The following TPPP3 variants were observed in gnomAD, a reference collection of about 807,000 sequenced individuals.
TPPP3 encodes the protein tubulin polymerization-promoting protein family member 3.
TPPP3 carries 7 observed loss-of-function variants against 13.1 expected under a neutral mutation model. That is an observed-to-expected ratio of 0.54 (90% CI 0.30 to 1.01). The LOEUF (loss-of-function observed/expected upper bound fraction) is 1.01. Among genes scored for constraint, TPPP3 ranks in the 50% least tolerant of loss-of-function variants. The pLI, the probability that TPPP3 is intolerant of heterozygous loss-of-function variation, is 0.06. For synonymous variants in TPPP3, 87 were observed against 93.7 expected (o/e 0.93, Z 0.41); for missense variants, 185 against 235.0 (o/e 0.79, Z 1.39).
At position 67,390,417 on chromosome 16, in the gene TPPP3, ACC is replaced by A; in HGVS notation, c.343-57_343-56del. The A allele has an allele frequency of 6.2e-7, 1 of 1,605,016 alleles. No homozygotes were observed. Among genetic ancestry groups the A allele is most frequent in the Non-Finnish European group, 8.5e-7 (1 of 1,173,934 alleles). Reference sequence around the variant, plus strand: ...CTGATGAGGGAGCCCAGCCCTTCCCACCCACAGCCACGATTCCCCACACCCCA... The same window carrying A: ...CTGATGAGGGAGCCCAGCCCTTCCCACACAGCCACGATTCCCCACACCCCA... On this transcript the variant is annotated intron_variant, in intron 3 of 3. Coordinates refer to ENST00000393957, the MANE Select transcript of TPPP3 (RefSeq NM_015964.4). The surrounding 1 kb of genome is among the most constrained non-coding windows in gnomAD (Gnocchi z 6.4).
In TPPP3 at chr16:67,390,118, C is replaced by A; in HGVS notation, c.*56G>T. The A allele has an allele frequency of 6.3e-7, 1 of 1,575,062 alleles. No homozygotes were observed. On this transcript the variant is annotated 3_prime_UTR_variant, in exon 4 of 4. Coordinates refer to ENST00000393957, the MANE Select transcript of TPPP3 (RefSeq NM_015964.4). The surrounding 1 kb of genome is among the most constrained non-coding windows in gnomAD (Gnocchi z 6.4). ...TCTTGCTCCACGTGCCCCTTAGACCCAGGCCTGAGCCTCTGGCAGGGGCAG... is the reference window on the plus strand; with the variant it reads ...TCTTGCTCCACGTGCCCCTTAGACCAAGGCCTGAGCCTCTGGCAGGGGCAG...
Position 67,389,945 on chromosome 16 carries a change from G to T in TPPP3, c.*229C>A. 1 of 570,572 alleles carries T rather than the reference G, an allele frequency of 1.8e-6. No homozygotes were observed. The highest frequency in any genetic ancestry group is 3.1e-6 in the Non-Finnish European group (1 of 319,700). 35.3% of individuals were successfully genotyped at this position (570,572 alleles called of 1,614,324 possible). ...TTGGGGTCATGAGGCTACAGGCACAGACTGTCCCCAGGTGGACAGAAGTTG... is the reference window on the plus strand; with the variant it reads ...TTGGGGTCATGAGGCTACAGGCACATACTGTCCCCAGGTGGACAGAAGTTG... On this transcript the variant is annotated 3_prime_UTR_variant, in exon 4 of 4. Transcript: ENST00000393957.
chr16:67,390,605 A>G lies in TPPP3; in HGVS notation c.216T>C (p.Tyr72=). ...VKGKSARVIN[Y]EEFKKALEEL... is the part of the protein sequence containing the mutation. ...CTTCCAGGGCCTTCTTGAACTCCTC[A>G]TAGTTGATGACCCGAGCAGACTTCC... Residue 72 remains tyrosine (Y), a synonymous_variant, in exon 3 of 4, where the codon TAT becomes TAC. Transcript: ENST00000393957. The surrounding 1 kb of genome is among the most constrained non-coding windows in gnomAD (Gnocchi z 6.4). 6.2e-7 allele frequency: 1 copy of G among 1,613,684 alleles called. No homozygotes were observed. The highest frequency in any genetic ancestry group is 8.5e-7 in the Non-Finnish European group (1 of 1,180,002).
rs951549111 is a variant in TPPP3 at position 67,392,662 on chromosome 16, C to T, written c.-7+718G>A. On this transcript the variant is annotated intron_variant, in intron 1 of 3. Transcript: ENST00000393957. This position sits in a 1 kb window ranked among gnomAD's most constrained non-coding sequence, Gnocchi z 4.9. ...AGAGACCTCCCCACCACATCCCCCT[C>T]CTCCACTGCCACCTCCTGACCACAC... Among the ~76,000 whole-genome samples the T allele has an allele frequency of 5.9e-5, 9 of 152,154 alleles. No homozygotes were observed. The highest frequency in any genetic ancestry group is 1.9e-4 in the African/African-American group (8 of 41,430).
rs780734502 is a variant in TPPP3, at chr16:67,390,918, G to T, written c.188+6C>A. 5.6e-6 allele frequency: 9 copies of T among 1,613,280 alleles called. No individual in the cohort carries two copies. The highest frequency in any genetic ancestry group is 6.8e-6 in the Non-Finnish European group (8 of 1,179,390). On this transcript the variant is annotated splice_donor_region_variant and intron_variant, in intron 2 of 3. Transcript: ENST00000393957. The surrounding 1 kb of genome is among the most constrained non-coding windows in gnomAD (Gnocchi z 6.4). ...ACATGAGAAGCAGGGGCTGCTTAGG[G>T]CTCACTTGACTTTGGAGAAGACGAT...
Position 67,392,243 on chromosome 16 carries a change from G to A in TPPP3, c.-6-1126C>T, listed in dbSNP as rs1455220103. Among the ~76,000 whole-genome samples, 1 of 151,288 alleles carries A rather than the reference G, an allele frequency of 6.6e-6. No individual in the cohort carries two copies. The highest frequency in any genetic ancestry group is 1.5e-5 in the Non-Finnish European group (1 of 67,796). On this transcript the variant is annotated intron_variant, in intron 1 of 3. Coordinates refer to ENST00000393957, the MANE Select transcript of TPPP3 (RefSeq NM_015964.4). This position sits in a 1 kb window ranked among gnomAD's most constrained non-coding sequence, Gnocchi z 4.9. ...CCACAGCCACAGCCCTCGGCCACCA[G>A]CCCCCACATATATACTAACAAGCCT...
Position 67,390,243 on chromosome 16 carries a change from G to T in TPPP3, c.462C>A (p.Ile154=). The T allele has an allele frequency of 6.2e-7, 1 of 1,614,240 alleles. No individual in the cohort carries two copies. The highest frequency in any genetic ancestry group is 8.5e-7 in the Non-Finnish European group (1 of 1,180,034). The change falls in exon 4 of 4, where the codon ATC becomes ATA. Residue 154 remains isoleucine, a synonymous_variant. Coordinates refer to ENST00000393957, the MANE Select transcript of TPPP3 (RefSeq NM_015964.4). The surrounding 1 kb of genome is among the most constrained non-coding windows in gnomAD (Gnocchi z 6.4). ...KGKGIAGRQD[I]LDDSGYVSAY... is the part of the protein sequence containing the mutation. The stretch of plus-strand genomic sequence containing the variant: ...CGCTCACGTAGCCACTGTCGTCCAG[G>T]ATGTCCTGCCGTCCCGCAATGCCCT...
chr16:67,390,242 G>C lies in TPPP3; in HGVS notation c.463C>G (p.Leu155Val), dbSNP rs763734566. The C allele has an allele frequency of 1.9e-6, 3 of 1,614,136 alleles. No homozygotes were observed. The African/African-American group carries it at 4.0e-5, about 22-fold the overall frequency. Residue 155 changes from leucine to valine, a missense_variant, in exon 4 of 4, where the codon CTG (leucine) becomes GTG (valine). Physicochemically the swap from Leu to Val is conservative, Grantham distance 32. Transcript: ENST00000393957. The surrounding 1 kb of genome is among the most constrained non-coding windows in gnomAD (Gnocchi z 6.4). ...GCGCTCACGTAGCCACTGTCGTCCAGGATGTCCTGCCGTCCCGCAATGCCC... is the reference window on the plus strand; with the variant it reads ...GCGCTCACGTAGCCACTGTCGTCCACGATGTCCTGCCGTCCCGCAATGCCC... ...GKGIAGRQDI[L>V]DDSGYVSAYK...
Position 67,391,116 on chromosome 16 carries a change from C to G in TPPP3, c.-5G>C. ...CATGTCTGTGCTCGCTGCCATGCCA[C>G]CCTATAGAGACCCACCTGGGTCATC... is the stretch of plus-strand genomic sequence containing the variant. On this transcript the variant is annotated splice_region_variant and 5_prime_UTR_variant, in exon 2 of 4. Coordinates refer to ENST00000393957, the MANE Select transcript of TPPP3 (RefSeq NM_015964.4). The surrounding 1 kb of genome is among the most constrained non-coding windows in gnomAD (Gnocchi z 6.3). The G allele has an allele frequency of 6.2e-7, 1 of 1,613,828 alleles. No individual in the cohort carries two copies. Among genetic ancestry groups the G allele is most frequent in the Non-Finnish European group, 8.5e-7 (1 of 1,179,872 alleles).
chr16:67,392,596 CATT>C lies in TPPP3; in HGVS notation c.-7+781_-7+783del, dbSNP rs1441981325. Among the ~76,000 whole-genome samples, 4 of 152,152 alleles carry C rather than the reference CATT, an allele frequency of 2.6e-5. No individual in the cohort carries two copies. The highest frequency in any genetic ancestry group is 5.9e-5 in the Non-Finnish European group (4 of 68,028). ...GCCCCAGTCCACATCCACACACTAACATTATAAGACTCCCAGGTACTATGCGGA... is the reference window on the plus strand; with the variant it reads ...GCCCCAGTCCACATCCACACACTAACATAAGACTCCCAGGTACTATGCGGA... On this transcript the variant is annotated intron_variant, in intron 1 of 3. Transcript: ENST00000393957. The surrounding 1 kb of genome is among the most constrained non-coding windows in gnomAD (Gnocchi z 4.9).
chr16:67,390,709 C>T lies in TPPP3; in HGVS notation c.189-77G>A. The T allele has an allele frequency of 6.5e-7, 1 of 1,537,510 alleles. No individual in the cohort carries two copies. Among genetic ancestry groups the T allele is most frequent in the Non-Finnish European group, 8.7e-7 (1 of 1,147,888 alleles). On this transcript the variant is annotated intron_variant, in intron 2 of 3. Coordinates refer to ENST00000393957, the MANE Select transcript of TPPP3 (RefSeq NM_015964.4). This position sits in a 1 kb window ranked among gnomAD's most constrained non-coding sequence, Gnocchi z 6.4. Reference sequence around the variant, plus strand: ...GGGGAAAGCTCAAACACATTTGCTGCCACCACAAATTATGCAATTGCGTTT... The same window carrying T: ...GGGGAAAGCTCAAACACATTTGCTGTCACCACAAATTATGCAATTGCGTTT...
rs2040320886 is a variant in TPPP3 at position 67,390,987 on chromosome 16, C to G, written c.125G>C (p.Cys42Ser). The G allele has an allele frequency of 6.2e-7, 1 of 1,614,254 alleles. No individual in the cohort carries two copies. Among genetic ancestry groups the G allele is most frequent in the South Asian group, 1.1e-5 (1 of 91,088 alleles). ...CACGGACTTTCCGTCAGCCACCTTGCAGTCCTTGCACAGCTTGGCCCAGTT... is the reference window on the plus strand; with the variant it reads ...CACGGACTTTCCGTCAGCCACCTTGGAGTCCTTGCACAGCTTGGCCCAGTT... Reference protein sequence around the residue: ...GKNWAKLCKDCKVADGKSVTG... With the variant: ...GKNWAKLCKDSKVADGKSVTG... The change falls in exon 2 of 4, where the codon TGC becomes TCC. Residue 42 changes from cysteine (C) to serine (S), a missense_variant. Physicochemically the swap from Cys to Ser is moderately radical, Grantham distance 112. Transcript: ENST00000393957. The surrounding 1 kb of genome is among the most constrained non-coding windows in gnomAD (Gnocchi z 6.4).
rs2040325223 is a variant in TPPP3, at chr16:67,391,208, A to C, written c.-6-91T>G. 7.6e-7 allele frequency: 1 copy of C among 1,309,114 alleles called. No individual in the cohort carries two copies. Among genetic ancestry groups the C allele is most frequent in the African/African-American group, 1.5e-5 (1 of 68,822 alleles). The allele number at this position is 1,309,114 out of a possible 1,614,324, so 81.1% of individuals were successfully genotyped here. A position where few individuals can be genotyped will look rare whatever the true frequency, so the allele number is the denominator to read the frequency against. On this transcript the variant is annotated intron_variant, in intron 1 of 3. Transcript: ENST00000393957. The surrounding 1 kb of genome is among the most constrained non-coding windows in gnomAD (Gnocchi z 6.3). The stretch of plus-strand genomic sequence containing the variant: ...TCCCAGCCTCTACCTCAAACCTGCA[A>C]GACCTGGGCAGGTTCTGCTACAGAG...
At position 67,390,104 on chromosome 16, in the gene TPPP3, G is replaced by C. The variant is rs574610460; in HGVS notation, c.*70C>G. 4.5e-5 allele frequency: 67 copies of C among 1,500,986 alleles called. 2 individuals are homozygous for C. In the South Asian group the frequency reaches 8.0e-4, roughly 18 times the overall value. The allele number at this position is 1,500,986 out of a possible 1,614,324, so 93.0% of individuals were successfully genotyped here. On this transcript the variant is annotated 3_prime_UTR_variant, in exon 4 of 4. Transcript: ENST00000393957. The surrounding 1 kb of genome is among the most constrained non-coding windows in gnomAD (Gnocchi z 6.4). ...AGGGGACCAGGATCTCTTGCTCCAC[G>C]TGCCCCTTAGACCCAGGCCTGAGCC...
chr16:67,393,259 A>C lies in TPPP3; in HGVS notation c.-7+121T>G, dbSNP rs1597525115. 1 of 912,686 alleles carries C rather than the reference A, an allele frequency of 1.1e-6. No individual in the cohort carries two copies. The highest frequency in any genetic ancestry group is 5.0e-5 in the South Asian group (1 of 19,862). The allele number at this position is 912,686 out of a possible 1,614,324, so 56.5% of individuals were successfully genotyped here. A position where few individuals can be genotyped will look rare whatever the true frequency, so the allele number is the denominator to read the frequency against. On this transcript the variant is annotated intron_variant, in intron 1 of 3. Transcript: ENST00000393957. The surrounding 1 kb of genome is among the most constrained non-coding windows in gnomAD (Gnocchi z 5.4). Reference sequence around the variant, plus strand: ...GCTTGGGGCCAGGGCAGGGCCGCTCAGCTGGCTCCTCGGCTGGGACCGCCG... The same window carrying C: ...GCTTGGGGCCAGGGCAGGGCCGCTCCGCTGGCTCCTCGGCTGGGACCGCCG...
At position 67,390,336 on chromosome 16, in the gene TPPP3, G is replaced by T. The variant is rs2040310738; in HGVS notation, c.369C>A (p.Asp123Glu). Residue 123 changes from aspartate (D) to glutamate (E), a missense_variant, in exon 4 of 4, where the codon GAC (aspartate) becomes GAA (glutamate). By Grantham distance (45) the Asp-to-Glu change is conservative. Transcript: ENST00000393957. This position sits in a 1 kb window ranked among gnomAD's most constrained non-coding sequence, Gnocchi z 6.4. ...TGTATCTGCTGGTGTCCGTCAGCCG[G>T]TCTACAGCACCCCCTGTTTTTGCTT... Reference protein sequence around the residue: ...VTKAKTGGAVDRLTDTSRYTG... With the variant: ...VTKAKTGGAVERLTDTSRYTG... 1 of 1,613,954 alleles carries T rather than the reference G, an allele frequency of 6.2e-7. No individual in the cohort carries two copies. Among genetic ancestry groups the T allele is most frequent in the Non-Finnish European group, 8.5e-7 (1 of 1,179,966 alleles).
rs144067732 is a variant in TPPP3, at chr16:67,390,339, T to C, written c.366A>G (p.Val122=). 102 of 1,613,934 alleles carry C rather than the reference T, an allele frequency of 6.3e-5. No homozygotes were observed. The highest frequency in any genetic ancestry group is 8.6e-5 in the Non-Finnish European group (101 of 1,179,930). ...GVTKAKTGGA[V]DRLTDTSRYT... ...ATCTGCTGGTGTCCGTCAGCCGGTCTACAGCACCCCCTGTTTTTGCTTTCT... is the reference window on the plus strand; with the variant it reads ...ATCTGCTGGTGTCCGTCAGCCGGTCCACAGCACCCCCTGTTTTTGCTTTCT... The change falls in exon 4 of 4, where the codon GTA becomes GTG. Residue 122 remains valine (V), a synonymous_variant. Coordinates refer to ENST00000393957, the MANE Select transcript of TPPP3 (RefSeq NM_015964.4). This position sits in a 1 kb window ranked among gnomAD's most constrained non-coding sequence, Gnocchi z 6.4.
At position 67,390,040 on chromosome 16, in the gene TPPP3, G is replaced by A. The variant is rs2040305285; in HGVS notation, c.*134C>T. ...AGAGGCCTGGTGGGCCAGCCCAGTG[G>A]GACTAGGCAGGAAGCTCTGGGTGGC... On this transcript the variant is annotated 3_prime_UTR_variant, in exon 4 of 4. Transcript: ENST00000393957. The surrounding 1 kb of genome is among the most constrained non-coding windows in gnomAD (Gnocchi z 6.4). 1 of 967,232 alleles carries A rather than the reference G, an allele frequency of 1.0e-6. No individual in the cohort carries two copies. The highest frequency in any genetic ancestry group is 1.5e-6 in the Non-Finnish European group (1 of 663,294). The allele number at this position is 967,232 out of a possible 1,614,324, so 59.9% of individuals were successfully genotyped here. A position where few individuals can be genotyped will look rare whatever the true frequency, so the allele number is the denominator to read the frequency against.
In TPPP3 at chr16:67,390,661, T is replaced by G. The variant is rs572385444; in HGVS notation, c.189-29A>C. The G allele has an allele frequency of 4.7e-5, 74 of 1,584,156 alleles. No homozygotes were observed. In the African/African-American group the frequency reaches 9.5e-4, roughly 20 times the overall value. On this transcript the variant is annotated intron_variant, in intron 2 of 3. Coordinates refer to ENST00000393957, the MANE Select transcript of TPPP3 (RefSeq NM_015964.4). The surrounding 1 kb of genome is among the most constrained non-coding windows in gnomAD (Gnocchi z 6.4). ...ACAGGCATGTGGGCACCATGAGGGT[T>G]CCCCTTTCTTTTTTCTCCCCCAGGG...
Sources: gnomAD v4.1 joint callset for allele counts (sites outside exome capture counted in the v4.1 genomes callset) on GRCh38, gnomAD v4.1.1 for gene constraint, Gnocchi (gnomAD v3.1) non-coding constraint, MANE v1.5 for transcripts, NCBI Gene and HGNC (gene_info 2026-07-23, HGNC 2026-07-21) for gene names.